Variants in NOS1 observed in about 807,000 individuals in gnomAD.
NOS1 encodes NOS type I.
NOS1 carries 51 observed loss-of-function variants against 164.5 expected under a neutral mutation model. The observed-to-expected ratio is 0.31, with a 90% CI of 0.25 to 0.39. NOS1 has a LOEUF of 0.39. Among genes scored for constraint, NOS1 ranks in the 10% least tolerant of loss-of-function variants. The pLI, the probability that NOS1 is intolerant of heterozygous loss-of-function variation, is 1.00. For missense variants in NOS1, 1,362 were observed against 1,885.6 expected, an observed-to-expected ratio of 0.72 and a Z score of 5.14; for synonymous variants, 719 against 745.8, an observed-to-expected ratio of 0.96 and a Z score of 0.59.
intron 2 of NOS1, among the ~76,000 whole-genome samples, chr12:117,319,167 T>C (rs1874797282): frequency 6.6e-6 from 1 of 152,216 alleles, no homozygotes; most frequent in African/African-American, 2.4e-5. Context: ...TCCTTCTGTC[T>C]CAGTTTCCTG....
intron 23 of NOS1, 29 bp from the exon 24 acceptor site, chr12:117,226,799 C>A: frequency 6.3e-7 from 1 of 1,581,532 alleles, no homozygotes; most frequent in Non-Finnish European, 8.7e-7. Context: ...CAGTCAGGGC[C>A]ACCCACTGCT....
At chr12:117,268,974 C>G (rs1055283574) in intron 10 of NOS1, among the ~76,000 whole-genome samples, 1 of 152,104 alleles carries the variant, frequency 6.6e-6, no homozygotes, top group Non-Finnish European at 1.5e-5. Context: ...AAATTTTTAT[C>G]GAGAACCTAC....
intron 22 of NOS1, among the ~76,000 whole-genome samples, chr12:117,230,397 G>A (rs1359120549): frequency 6.6e-6 from 1 of 152,180 alleles, no homozygotes; most frequent in African/African-American, 2.4e-5. Flanking sequence ...ATGGTCTCCT[G>A]TTCTACCTCT....
chr12:117,251,970 T>C (rs1871136798), intron 17 of NOS1, among the ~76,000 whole-genome samples: 1 of 152,126 alleles, frequency 6.6e-6, no homozygotes, highest in Non-Finnish European at 1.5e-5. Flanking sequence ...TGAGCCCAAA[T>C]GATCTGCCTG....
At chr12:117,246,828 A>C (rs1870654890) in intron 18 of NOS1, among the ~76,000 whole-genome samples, 1 of 152,210 alleles carries the variant, frequency 6.6e-6, no homozygotes. Context: ...TTATGGATGA[A>C]GAATATTCCA....
chr12:117,311,654 G>A (rs1452421933), intron 2 of NOS1, 62 bp from the exon 3 acceptor site: 17 of 1,553,350 alleles, frequency 1.1e-5, no homozygotes, highest in Non-Finnish European at 1.5e-5. Context: ...TGGTTGCTTT[G>A]ACCTGGAAGT....
chr12:117,239,253 C>T (rs1156291660), intron 20 of NOS1, among the ~76,000 whole-genome samples: 2 of 152,238 alleles, frequency 1.3e-5, no homozygotes, highest in Non-Finnish European at 2.9e-5. Flanking sequence ...TTCTCCCAGA[C>T]ATCCCGGTGC....
chr12:117,314,189 A>G lies in NOS1; in HGVS notation c.726-2597T>C, dbSNP rs533029279. 2.0e-5 allele frequency among the ~76,000 whole-genome samples: 3 copies of G among 152,350 alleles called. No individual in the cohort carries two copies. The South Asian group carries it at 6.2e-4, about 32-fold the overall frequency. On this transcript the variant is annotated intron_variant, in intron 2 of 28. Transcript: ENST00000317775. ...GAGGTTTGCATTCATCAGAGGGAAC[A>G]TTCTGTTTTACCCTTTAAAATGTCA...
At chr12:117,286,006 C>T in intron 6 of NOS1, 98 bp downstream of exon 6, 1 of 1,334,748 alleles carries the variant, frequency 7.5e-7, no homozygotes. Context: ...CTACCAGGTA[C>T]CCTTGGTAGA....
chr12:117,328,194 G>A (rs1050311659), intron 2 of NOS1, among the ~76,000 whole-genome samples: 11 of 151,178 alleles, frequency 7.3e-5, no homozygotes, highest in African/African-American at 2.7e-4. Flanking sequence ...ATTATGAGAT[G>A]GAGTCTCACT....
intron 13 of NOS1, among the ~76,000 whole-genome samples, chr12:117,262,037 C>T (rs546319824): frequency 2.0e-5 from 3 of 152,300 alleles, no homozygotes; most frequent in East Asian, 1.9e-4. Flanking sequence ...GCAGACAAAT[C>T]GCTAACTTCC....
chr12:117,327,880 G>C (rs1287842293), intron 2 of NOS1, among the ~76,000 whole-genome samples: 1 of 152,112 alleles, frequency 6.6e-6, no homozygotes, highest in East Asian at 1.9e-4. Context: ...TGGAGCCCCT[G>C]TCTTACTCCT....
At chr12:117,296,487 C>T (rs1019128751) in intron 3 of NOS1, among the ~76,000 whole-genome samples, 5 of 152,190 alleles carry the variant, frequency 3.3e-5, no homozygotes, top group African/African-American at 1.2e-4. Context: ...CTGGCTTAGC[C>T]TCTGAGCCTA....
intron 22 of NOS1, among the ~76,000 whole-genome samples, chr12:117,230,068 T>G (rs985441512): frequency 6.6e-6 from 1 of 152,166 alleles, no homozygotes; most frequent in African/African-American, 2.4e-5. Flanking sequence ...TACAGGCATG[T>G]GCCATGACGC....
intron 3 of NOS1, among the ~76,000 whole-genome samples, chr12:117,298,332 C>T (rs1248721713): frequency 6.6e-6 from 1 of 152,128 alleles, no homozygotes; most frequent in South Asian, 2.1e-4. Flanking sequence ...AGAGCCCAGG[C>T]GGTAATGCGA....
intron 28 of NOS1, among the ~76,000 whole-genome samples, chr12:117,215,988 G>A (rs1956603988): frequency 1.4e-5 from 2 of 143,978 alleles, no homozygotes; most frequent in South Asian, 2.2e-4. Flanking sequence ...AGCGATTCCT[G>A]TGTCTCAGCC....
chr12:117,248,167 A>G (rs1870792114), intron 17 of NOS1, among the ~76,000 whole-genome samples: 1 of 144,852 alleles, frequency 6.9e-6, no homozygotes, highest in Non-Finnish European at 1.5e-5. Flanking sequence ...CAGTACCATG[A>G]GAAAATAAAT....
intron 4 of NOS1, among the ~76,000 whole-genome samples, chr12:117,289,581 T>C (rs1872914553): frequency 6.6e-6 from 1 of 152,246 alleles, no homozygotes; most frequent in Non-Finnish European, 1.5e-5. Context: ...GTTACATATG[T>C]ATACATGTGC....
At chr12:117,312,703 G>A (rs980635371) in intron 2 of NOS1, among the ~76,000 whole-genome samples, 19 of 152,208 alleles carry the variant, frequency 1.2e-4, no homozygotes, top group South Asian at 2.1e-4. Context: ...GATTACAGGC[G>A]TGAGCCACTG....
Sources: gnomAD v4.1 joint callset for allele counts (sites outside exome capture counted in the v4.1 genomes callset) on GRCh38, gnomAD v4.1.1 for gene constraint, MANE v1.5 for transcripts, NCBI Gene and HGNC (gene_info 2026-07-23, HGNC 2026-07-21) for gene names.